Variants in TMTC2 observed in about 807,000 individuals in gnomAD.
TMTC2 encodes transmembrane O-mannosyltransferase targeting cadherins 2.
TMTC2 carries 43 observed loss-of-function variants against 82.4 expected under a neutral mutation model. That is an observed-to-expected ratio of 0.52 (90% CI 0.41 to 0.67). The LOEUF (loss-of-function observed/expected upper bound fraction) is 0.67, where lower values mean the gene tolerates loss of function less well. TMTC2 is among the 30% of genes least tolerant of loss of function. The pLI is 0.00. For synonymous variants in TMTC2, 408 were observed against 381.9 expected (o/e 1.07, Z -0.80); for missense variants, 919 against 1,012.4 (o/e 0.91, Z 1.25).
intron 11 of TMTC2, among the ~76,000 whole-genome samples, chr12:83,099,989 G>A (rs1042535762): frequency 4.6e-5 from 7 of 150,966 alleles, no homozygotes; most frequent in East Asian, 1.9e-4. Context: ...GCGCAATCTC[G>A]GCTCACTGCA....
intron 1 of TMTC2, among the ~76,000 whole-genome samples, chr12:82,778,650 C>A (rs1262487880): frequency 8.6e-5 from 13 of 151,812 alleles, no homozygotes; most frequent in Admixed American, 8.5e-4. Context: ...GAGATCGAGA[C>A]CATCCCGGCT....
rs1009979718 is a variant in TMTC2, at chr12:83,026,400, A to G, written c.2071-4398A>G. On this transcript the variant is annotated intron_variant, in intron 8 of 11. Coordinates refer to ENST00000321196, the MANE Select transcript of TMTC2 (RefSeq NM_152588.3). ...GAAATATTAAAATTTACATCTTTAA[A>G]TATACAAAAATATATATACATATTT... Among the ~76,000 whole-genome samples the G allele has an allele frequency of 2.6e-5, 4 of 152,196 alleles. No individual in the cohort carries two copies. In the East Asian group the frequency reaches 7.7e-4, roughly 29 times the overall value.
chr12:83,030,902 T>C, intron 9 of TMTC2, 23 bp downstream of exon 9: 1 of 1,555,840 alleles, frequency 6.4e-7, no homozygotes, highest in Non-Finnish European at 8.9e-7. Context: ...TAGTTTTTTT[T>C]CCATGTCCCC....
In TMTC2 at chr12:82,803,029, G is replaced by T. The variant is rs375928655; in HGVS notation, c.84-53981G>T. The stretch of plus-strand genomic sequence containing the variant: ...AAAAGTGTTATCAACAGGACTTAAT[G>T]CATGTTAGAATATGAGAAGGAATCA... On this transcript the variant is annotated intron_variant, in intron 1 of 11. Transcript: ENST00000321196. Among the ~76,000 whole-genome samples, 31 of 152,272 alleles carry T rather than the reference G, an allele frequency of 2.0e-4. No homozygotes were observed. In the South Asian group the frequency reaches 6.4e-3, roughly 32 times the overall value.
intron 1 of TMTC2, among the ~76,000 whole-genome samples, chr12:82,800,554 A>G (rs1041982014): frequency 6.6e-6 from 1 of 152,206 alleles, no homozygotes; most frequent in Non-Finnish European, 1.5e-5. Flanking sequence ...TATTGGAGGA[A>G]AGGGAGAAAA....
At chr12:83,005,370 G>T (rs1329199066) in intron 8 of TMTC2, among the ~76,000 whole-genome samples, 1 of 151,454 alleles carries the variant, frequency 6.6e-6, no homozygotes, top group Non-Finnish European at 1.5e-5. Flanking sequence ...TGGCCGATTG[G>T]CTCCTAGCCT....
At chr12:82,897,000 A>G (rs1320004918) in intron 3 of TMTC2, among the ~76,000 whole-genome samples, 1 of 152,190 alleles carries the variant, frequency 6.6e-6, no homozygotes, top group Non-Finnish European at 1.5e-5. Flanking sequence ...TCATATAATA[A>G]AAGTTAGGCT....
chr12:82,716,360 C>A (rs1203838579), intron 1 of TMTC2, among the ~76,000 whole-genome samples: 12 of 143,890 alleles, frequency 8.3e-5, no homozygotes, highest in South Asian at 2.2e-4. Context: ...TTGTCTGGTA[C>A]ATTTTTTTTT....
chr12:82,765,303 T>C (rs1876887664), intron 1 of TMTC2, among the ~76,000 whole-genome samples: 1 of 152,174 alleles, frequency 6.6e-6, no homozygotes, highest in Non-Finnish European at 1.5e-5. Flanking sequence ...TATCAAGTGT[T>C]TAGTCTATGT....
At chr12:82,801,469 A>G (rs1395679025) in intron 1 of TMTC2, among the ~76,000 whole-genome samples, 1 of 152,084 alleles carries the variant, frequency 6.6e-6, no homozygotes, top group African/African-American at 2.4e-5. Context: ...GCCTGCTTTT[A>G]TTCTTTTATC....
chr12:82,995,668 A>C (rs1282653525), intron 8 of TMTC2, among the ~76,000 whole-genome samples: 1 of 152,138 alleles, frequency 6.6e-6, no homozygotes, highest in African/African-American at 2.4e-5. Context: ...ATATCCCTTG[A>C]TATATTAAAT....
intron 9 of TMTC2, among the ~76,000 whole-genome samples, chr12:83,042,341 A>G (rs561524523): frequency 2.0e-5 from 3 of 152,286 alleles, no homozygotes; most frequent in Admixed American, 1.3e-4. Context: ...TCCCTAGTGT[A>G]AGAATGCACC....
At chr12:82,981,366 C>A (rs143501463) in intron 7 of TMTC2, among the ~76,000 whole-genome samples, 2 of 151,776 alleles carry the variant, frequency 1.3e-5, no homozygotes, top group Non-Finnish European at 1.5e-5. Context: ...AAGGAGTTAG[C>A]CTTTGCCTGG....
intron 11 of TMTC2, 152 bp from the exon 12 acceptor site, chr12:83,132,058 C>T (rs867254803): frequency 2.4e-6 from 2 of 848,792 alleles, no homozygotes; most frequent in African/African-American, 3.5e-5. Context: ...TCCTAGTTAT[C>T]TTTATCTGTT....
chr12:83,040,249 C>G (rs2137438273), intron 9 of TMTC2, among the ~76,000 whole-genome samples: 1 of 152,304 alleles, frequency 6.6e-6, no homozygotes, highest in Middle Eastern at 3.4e-3. Context: ...TATCCTTGTT[C>G]TTTCAAAGAT....
At chr12:82,730,492 A>G (rs1475623775) in intron 1 of TMTC2, among the ~76,000 whole-genome samples, 2 of 152,188 alleles carry the variant, frequency 1.3e-5, no homozygotes, top group African/African-American at 4.8e-5. Context: ...GGAGGTGCAC[A>G]TGCTTCTATG....
chr12:82,854,127 G>A (rs1871129217), intron 1 of TMTC2, among the ~76,000 whole-genome samples: 1 of 152,032 alleles, frequency 6.6e-6, no homozygotes, highest in Non-Finnish European at 1.5e-5. Context: ...TCAATACATG[G>A]AGACTTGTAA....
At chr12:82,697,684 C>T (rs1466801686) in intron 1 of TMTC2, among the ~76,000 whole-genome samples, 1 of 152,162 alleles carries the variant, frequency 6.6e-6, no homozygotes, top group Non-Finnish European at 1.5e-5. Context: ...AATAATCTGT[C>T]ACCATCATAT....
intron 11 of TMTC2, among the ~76,000 whole-genome samples, chr12:83,085,172 T>C (rs1883609814): frequency 1.3e-5 from 2 of 152,310 alleles, no homozygotes; most frequent in South Asian, 2.1e-4. Context: ...GTGAGTCCCT[T>C]TGGCTGAAGA....
Sources: allele counts gnomAD v4.1 joint callset (sites outside exome capture counted in the v4.1 genomes callset), GRCh38; gene constraint gnomAD v4.1.1; transcripts MANE v1.5; gene names NCBI Gene and HGNC (gene_info 2026-07-23, HGNC 2026-07-21).